MYO10: variants seen among roughly 807,000 people sequenced by gnomAD.
MYO10 encodes unconventional myosin-X.
A neutral mutation model predicts 257.3 loss-of-function variants in MYO10; 133 were observed. That is an observed-to-expected ratio of 0.52 (90% CI 0.45 to 0.60). MYO10 has a LOEUF of 0.60. Among genes scored for constraint, MYO10 ranks in the 20% least tolerant of loss-of-function variants. The pLI is 0.00. For missense variants in MYO10, 2,399 were observed against 2,635.7 expected (o/e 0.91, Z 1.97); for synonymous variants, 1,104 against 1,028.6 (o/e 1.07, Z -1.40).
At position 16,737,810 on chromosome 5, in the gene MYO10, G is replaced by A. The variant is rs563299122; in HGVS notation, c.1929+17018C>T. Among the ~76,000 whole-genome samples the A allele has an allele frequency of 4.4e-4, 67 of 152,260 alleles. No individual in the cohort carries two copies. The Middle Eastern group carries it at 0.01, about 23-fold the overall frequency. On this transcript the variant is annotated intron_variant, in intron 19 of 40. Coordinates refer to ENST00000513610, the MANE Select transcript of MYO10 (RefSeq NM_012334.3). ...CTTTGAAGCCTCCTTCAAAGCTCAG[G>A]CTAGAGCCCAACAACAAAGAATAAC...
Position 16,865,684 on chromosome 5 carries a change from G to A in MYO10, c.120+11925C>T, listed in dbSNP as rs1031920874. Among the ~76,000 whole-genome samples the A allele has an allele frequency of 1.3e-4, 19 of 151,934 alleles. No individual in the cohort carries two copies. In the South Asian group the frequency reaches 1.5e-3, roughly 12 times the overall value. ...AAATTAGCCGGGCGTGGTGGCAGGC[G>A]TCTGTAGTCCCAGCTACTCGGGAGG... is the stretch of plus-strand genomic sequence containing the variant. On this transcript the variant is annotated intron_variant, in intron 2 of 40. Transcript: ENST00000513610.
At chr5:16,920,097 G>A (rs1438817063) in intron 1 of MYO10, among the ~76,000 whole-genome samples, 3 of 150,718 alleles carry the variant, frequency 2.0e-5, no homozygotes, top group South Asian at 2.1e-4. Context: ...GCAACAGAGC[G>A]ACATTCAGTC....
At chr5:16,694,142 G>A (rs753039036) in intron 27 of MYO10, among the ~76,000 whole-genome samples, 10 of 152,168 alleles carry the variant, frequency 6.6e-5, no homozygotes, top group Non-Finnish European at 7.3e-5. Context: ...CAATTGGCTG[G>A]CCATCTTCCA....
intron 22 of MYO10, 73 bp downstream of exon 22, chr5:16,704,506 A>T: frequency 7.5e-7 from 1 of 1,325,656 alleles, no homozygotes; most frequent in Non-Finnish European, 1.1e-6. Flanking sequence ...AGGCCACTCC[A>T]CTGGAACACA....
chr5:16,694,679 C>A, intron 26 of MYO10, 65 bp from the exon 27 acceptor site: 1 of 1,585,454 alleles, frequency 6.3e-7, no homozygotes, highest in Non-Finnish European at 8.6e-7. Context: ...ATGACAACAA[C>A]ATGCATAGCA....
At chr5:16,805,336 C>G (rs1742239570) in intron 3 of MYO10, among the ~76,000 whole-genome samples, 1 of 151,742 alleles carries the variant, frequency 6.6e-6, no homozygotes, top group South Asian at 2.1e-4. Context: ...GTGGCGGATG[C>G]CTGTAATCCC....
chr5:16,887,418 ATG>A (rs1744925353), intron 1 of MYO10, among the ~76,000 whole-genome samples: 1 of 152,208 alleles, frequency 6.6e-6, no homozygotes, highest in African/African-American at 2.4e-5. Context: ...TCAATTATAA[ATG>A]TGTGATTCTG....
At chr5:16,747,897 C>A (rs1339563269) in intron 19 of MYO10, among the ~76,000 whole-genome samples, 1 of 110,358 alleles carries the variant, frequency 9.1e-6, no homozygotes, top group African/African-American at 3.3e-5. Flanking sequence ...CTAGACTGGG[C>A]GACAGAGCGA....
intron 19 of MYO10, among the ~76,000 whole-genome samples, chr5:16,719,127 A>G (rs567586053): frequency 6.6e-6 from 1 of 151,300 alleles, no homozygotes; most frequent in Admixed American, 6.6e-5. Flanking sequence ...ATGAGCTGTA[A>G]CACTCACCAC....
chr5:16,920,096 C>G (rs543661274), intron 1 of MYO10, among the ~76,000 whole-genome samples: 25 of 150,358 alleles, frequency 1.7e-4, no homozygotes, highest in Non-Finnish European at 3.5e-4. Context: ...GGCAACAGAG[C>G]GACATTCAGT....
At chr5:16,876,678 C>T (rs1744613384) in intron 2 of MYO10, among the ~76,000 whole-genome samples, 2 of 152,156 alleles carry the variant, frequency 1.3e-5, no homozygotes, top group Non-Finnish European at 2.9e-5. Context: ...CCTCAGCCCC[C>T]CAATTAGCTG....
intron 1 of MYO10, among the ~76,000 whole-genome samples, chr5:16,882,856 C>T (rs566657843): frequency 4.0e-5 from 6 of 148,944 alleles, no homozygotes; most frequent in Non-Finnish European, 7.4e-5. Context: ...CTACTGGGCA[C>T]CTATAATGGG....
Position 16,783,472 on chromosome 5 carries a change from G to C in MYO10, c.468-3C>G. 1 of 1,606,234 alleles carries C rather than the reference G, an allele frequency of 6.2e-7. No homozygotes were observed. Among genetic ancestry groups the C allele is most frequent in the East Asian group, 2.2e-5 (1 of 44,808 alleles). ...TTTTACCTGCCCCACTTTCACCACT[G>C]AAAGACAAAACGGAAAAGTTTGTGC... On this transcript the variant is annotated splice_region_variant and splice_polypyrimidine_tract_variant and intron_variant, in intron 4 of 40. Transcript: ENST00000513610.
intron 19 of MYO10, among the ~76,000 whole-genome samples, chr5:16,729,645 C>G (rs995486902): frequency 9.9e-5 from 15 of 152,052 alleles, no homozygotes; most frequent in Admixed American, 5.9e-4. Flanking sequence ...GGGGTTTCAC[C>G]GTGTTAGCCA....
At chr5:16,868,008 T>A (rs116762998) in intron 2 of MYO10, among the ~76,000 whole-genome samples, 1 of 152,174 alleles carries the variant, frequency 6.6e-6, no homozygotes, top group African/African-American at 2.4e-5. Flanking sequence ...CTTGATGAAA[T>A]GGGCTGCAGT....
At chr5:16,834,918 G>A (rs536540742) in intron 2 of MYO10, among the ~76,000 whole-genome samples, 2 of 152,314 alleles carry the variant, frequency 1.3e-5, no homozygotes, top group South Asian at 4.1e-4. Flanking sequence ...GCTCACACCT[G>A]TAATCCCAAC....
intron 3 of MYO10, among the ~76,000 whole-genome samples, chr5:16,796,913 T>C (rs1341482095): frequency 6.6e-6 from 1 of 152,158 alleles, no homozygotes; most frequent in Non-Finnish European, 1.5e-5. Context: ...CTGGTGTCTT[T>C]GTTAGAAGAG....
chr5:16,714,467 G>T (rs1738761201), intron 19 of MYO10, among the ~76,000 whole-genome samples: 1 of 151,978 alleles, frequency 6.6e-6, no homozygotes, highest in Admixed American at 6.5e-5. Context: ...GACCAACGGG[G>T]TCAGATCTGT....
chr5:16,764,831 G>A lies in MYO10; in HGVS notation c.1180-435C>T, dbSNP rs536958112. ...AGCCCCCTGAGTAGCTGGGATTACA[G>A]GCATGTGCCACCACACCTGGTTAAT... On this transcript the variant is annotated intron_variant, in intron 11 of 40. Transcript: ENST00000513610. Among the ~76,000 whole-genome samples, 4 of 152,178 alleles carry A rather than the reference G, an allele frequency of 2.6e-5. No individual in the cohort carries two copies. The South Asian group carries it at 6.2e-4, about 24-fold the overall frequency.
Sources: allele counts gnomAD v4.1 joint callset (sites outside exome capture counted in the v4.1 genomes callset), GRCh38; gene constraint gnomAD v4.1.1; transcripts MANE v1.5; gene names NCBI Gene and HGNC (gene_info 2026-07-23, HGNC 2026-07-21).